Variants in GAS2 observed in about 807,000 individuals in gnomAD.
GAS2 encodes growth arrest-specific protein 2.
Under a neutral mutation model 37.5 loss-of-function variants are expected in GAS2, and 20 were observed. The ratio of observed to expected loss-of-function variants is 0.53; its 90% CI spans 0.37 to 0.77. The LOEUF (loss-of-function observed/expected upper bound fraction) is 0.77, where lower values mean the gene tolerates loss of function less well. Among genes scored for constraint, GAS2 ranks in the 30% least tolerant of loss-of-function variants. The pLI, the probability that GAS2 is intolerant of heterozygous loss-of-function variation, is 0.00. For synonymous variants in GAS2, 144 were observed against 132.2 expected, an observed-to-expected ratio of 1.09 and a Z score of -0.61; for missense variants, 336 against 373.4, an observed-to-expected ratio of 0.90 and a Z score of 0.82.
chr11:22,807,946 A>AT (rs1364623716), intron 7 of GAS2, among the ~76,000 whole-genome samples: 1 of 152,096 alleles, frequency 6.6e-6, no homozygotes, highest in Admixed American at 6.6e-5. Context: ...CTGATGATTG[A>AT]TTTTCTGAGA....
At chr11:22,792,214 T>C (rs1363626441) in intron 7 of GAS2, among the ~76,000 whole-genome samples, 1 of 152,182 alleles carries the variant, frequency 6.6e-6, no homozygotes, top group African/African-American at 2.4e-5. Context: ...AAAGTAGTTC[T>C]AGTATGCCAG....
rs556162330 is a variant in GAS2 at position 22,626,637 on chromosome 11, A to C, written c.-21+824A>C. 8 of 152,360 alleles carry C rather than the reference A, an allele frequency of 5.3e-5. No homozygotes were observed. In the South Asian group the frequency reaches 1.7e-3, roughly 32 times the overall value. The allele number at this position is 152,360 out of a possible 1,614,324, so 9.4% of individuals were successfully genotyped here. On this transcript the variant is annotated intron_variant, in intron 1 of 5. Transcript: ENST00000528582. ...TAACAAACATTTGTCAACTCCTAGGAGTTGCATTCTGTACAAAATGCACAA... is the reference window on the plus strand; with the variant it reads ...TAACAAACATTTGTCAACTCCTAGGCGTTGCATTCTGTACAAAATGCACAA...
At chr11:22,742,328 G>A (rs80285139) in intron 5 of GAS2, among the ~76,000 whole-genome samples, 2,092 of 152,146 alleles carry the variant, frequency 0.014, 53 homozygotes, top group African/African-American at 0.048. Flanking sequence ...TACTATAAAT[G>A]TGTGAAAACC....
intron 1 of GAS2, among the ~76,000 whole-genome samples, chr11:22,652,987 T>TTG (rs1848804919): frequency 1.9e-5 from 2 of 105,208 alleles, no homozygotes; most frequent in Non-Finnish European, 3.7e-5. Flanking sequence ...TTGTCTTTCT[T>TTG]TCTTTGTCTT....
At chr11:22,744,922 A>G (rs1470666045) in intron 5 of GAS2, among the ~76,000 whole-genome samples, 1 of 152,158 alleles carries the variant, frequency 6.6e-6, no homozygotes, top group African/African-American at 2.4e-5. Flanking sequence ...TAACTAGAGA[A>G]GTGAAAGATC....
intron 1 of GAS2, among the ~76,000 whole-genome samples, chr11:22,644,672 G>A (rs1446161437): frequency 8.2e-6 from 1 of 121,276 alleles, no homozygotes; most frequent in African/African-American, 2.6e-5. Context: ...CCAGGCTGCA[G>A]TGCAGTGGCA....
intron 4 of GAS2, among the ~76,000 whole-genome samples, chr11:22,734,482 C>G (rs1852645094): frequency 6.6e-6 from 1 of 151,608 alleles, no homozygotes; most frequent in Non-Finnish European, 1.5e-5. Flanking sequence ...GTAATCTTCT[C>G]TTCATTCCAG....
At chr11:22,764,785 A>T (rs1348406047) in intron 7 of GAS2, among the ~76,000 whole-genome samples, 1 of 152,166 alleles carries the variant, frequency 6.6e-6, no homozygotes, top group African/African-American at 2.4e-5. Flanking sequence ...AAAACCAAAA[A>T]TTATTCTTCA....
At position 22,788,638 on chromosome 11, in the gene GAS2, G is replaced by A. The variant is rs578088434; in HGVS notation, c.724-23160G>A. ...TTAATCTAGGGTTTGTACTAATTGG[G>A]GACAGAGCTTATGTGATGCTTCATG... On this transcript the variant is annotated intron_variant, in intron 7 of 7. Coordinates refer to ENST00000454584, the MANE Select transcript of GAS2 (RefSeq NM_001143830.3). Among the ~76,000 whole-genome samples, 42 of 152,196 alleles carry A rather than the reference G, an allele frequency of 2.8e-4. 2 individuals are homozygous for A. The South Asian group carries it at 8.3e-3, about 30-fold the overall frequency.
At chr11:22,668,581 C>G (rs1321757991) in intron 1 of GAS2, among the ~76,000 whole-genome samples, 1 of 152,128 alleles carries the variant, frequency 6.6e-6, no homozygotes, top group Non-Finnish European at 1.5e-5. Flanking sequence ...TGCAAAAGGT[C>G]ATGTGATTGC....
At chr11:22,628,410 C>G (rs990074832) in intron 1 of GAS2, among the ~76,000 whole-genome samples, 1 of 152,050 alleles carries the variant, frequency 6.6e-6, no homozygotes, top group Non-Finnish European at 1.5e-5. Flanking sequence ...TATATGAGAA[C>G]ACAAATGTGT....
At chr11:22,763,582 C>T (rs1300569634) in intron 7 of GAS2, among the ~76,000 whole-genome samples, 2 of 150,838 alleles carry the variant, frequency 1.3e-5, no homozygotes, top group Non-Finnish European at 2.9e-5. Flanking sequence ...TACTCAGCAG[C>T]TGAAAGTCAA....
chr11:22,647,463 G>A (rs1389200593), intron 1 of GAS2, among the ~76,000 whole-genome samples: 1 of 152,084 alleles, frequency 6.6e-6, no homozygotes, highest in Non-Finnish European at 1.5e-5. Flanking sequence ...GGATCAAATG[G>A]TATTTCTAGT....
At chr11:22,737,895 T>A (rs1435850606) in intron 5 of GAS2, 127 bp downstream of exon 5, 1 of 807,590 alleles carries the variant, frequency 1.2e-6, no homozygotes, top group South Asian at 1.5e-5. Flanking sequence ...TTCACGATGA[T>A]AATATGAACT....
At position 22,771,489 on chromosome 11, in the gene GAS2, G is replaced by A. The variant is rs148362028; in HGVS notation, c.723+15536G>A. ...CTGACACCATACCAAACTTCCAGAT[G>A]TATCAGTCATGTTTTAACACTTCAG... On this transcript the variant is annotated intron_variant, in intron 7 of 7. Transcript: ENST00000454584. Among the ~76,000 whole-genome samples the A allele has an allele frequency of 4.0e-3, 606 of 152,246 alleles. 6 individuals are homozygous for A. The highest frequency in any genetic ancestry group is 0.014 in the African/African-American group (577 of 41,542).
intron 7 of GAS2, among the ~76,000 whole-genome samples, chr11:22,779,173 C>G (rs775259264): frequency 1.5e-4 from 22 of 151,518 alleles, no homozygotes; most frequent in Non-Finnish European, 2.7e-4. Context: ...CAAAAAAATT[C>G]TGAAAAATGG....
rs114201196 is a variant in GAS2 at position 22,712,376 on chromosome 11, C to T, written c.268-13916C>T. On this transcript the variant is annotated intron_variant, in intron 3 of 7. Coordinates refer to ENST00000454584, the MANE Select transcript of GAS2 (RefSeq NM_001143830.3). ...CCTGAAGATAGACTGCATCACAGGA[C>T]ACTTTGCAGACATTCCTTAGCACCA... is the stretch of plus-strand genomic sequence containing the variant. 6.3e-3 allele frequency among the ~76,000 whole-genome samples: 953 copies of T among 152,296 alleles called. 16 individuals are homozygous for T. Among genetic ancestry groups the T allele is most frequent in the African/African-American group, 0.021 (869 of 41,570 alleles).
At chr11:22,703,280 T>G (rs1367860913) in intron 3 of GAS2, among the ~76,000 whole-genome samples, 1 of 152,136 alleles carries the variant, frequency 6.6e-6, no homozygotes, top group African/African-American at 2.4e-5. Context: ...CAAGACAAGA[T>G]TGTAAAAGGA....
chr11:22,646,805 T>C (rs988820641), intron 1 of GAS2, among the ~76,000 whole-genome samples: 20 of 152,116 alleles, frequency 1.3e-4, no homozygotes, highest in Non-Finnish European at 2.8e-4. Flanking sequence ...GTCATTCTTA[T>C]AAACTTCTCT....
Sources: allele counts gnomAD v4.1 joint callset (sites outside exome capture counted in the v4.1 genomes callset), GRCh38; gene constraint gnomAD v4.1.1; transcripts MANE v1.5; gene names NCBI Gene and HGNC (gene_info 2026-07-23, HGNC 2026-07-21).